The following DOK6 variants were observed in gnomAD, a reference collection of about 807,000 sequenced individuals.
DOK6 encodes the protein downstream of tyrosine kinase 6.
DOK6 carries 22 observed loss-of-function variants against 44.0 expected under a neutral mutation model. That is an observed-to-expected ratio of 0.50 (90% CI 0.36 to 0.71). DOK6 has a LOEUF of 0.71. Ranked by LOEUF, DOK6 falls within the 30% of genes least tolerant of loss-of-function variation. The pLI is 0.00. For missense variants in DOK6, 340 were observed against 416.4 expected, an observed-to-expected ratio of 0.82 and a Z score of 1.60; for synonymous variants, 166 against 145.5, an observed-to-expected ratio of 1.14 and a Z score of -1.01.
chr18:69,819,838 G>C (rs1190905425), intron 7 of DOK6, among the ~76,000 whole-genome samples: 1 of 152,120 alleles, frequency 6.6e-6, no homozygotes, highest in African/African-American at 2.4e-5. Flanking sequence ...TAGCACAGGG[G>C]TGTCCAATGT....
At chr18:69,827,536 G>A (rs1981776368) in intron 7 of DOK6, among the ~76,000 whole-genome samples, 1 of 151,940 alleles carries the variant, frequency 6.6e-6, no homozygotes, top group Non-Finnish European at 1.5e-5. Flanking sequence ...CAAACTTCTA[G>A]AAAGTAAGAT....
chr18:69,658,386 C>G (rs1376578876), intron 3 of DOK6, among the ~76,000 whole-genome samples: 1 of 152,158 alleles, frequency 6.6e-6, no homozygotes, highest in Non-Finnish European at 1.5e-5. Flanking sequence ...TTGGGAGTCA[C>G]ACATGAGTTA....
intron 3 of DOK6, among the ~76,000 whole-genome samples, chr18:69,627,682 C>A (rs1054381217): frequency 2.0e-5 from 3 of 152,114 alleles, no homozygotes; most frequent in African/African-American, 7.2e-5. Context: ...ATCTCCTGAC[C>A]TTGTGATCCG....
At position 69,721,639 on chromosome 18, in the gene DOK6, G is replaced by A. The variant is rs182900369; in HGVS notation, c.600-17326G>A. Reference sequence around the variant, plus strand: ...GTGTCTTGACACTAGTCATCCATCAGAAAATGCTAATTATATTAGTTCTTT... The same window carrying A: ...GTGTCTTGACACTAGTCATCCATCAAAAAATGCTAATTATATTAGTTCTTT... On this transcript the variant is annotated intron_variant, in intron 5 of 7. Transcript: ENST00000382713. Among the ~76,000 whole-genome samples, 555 of 152,316 alleles carry A rather than the reference G, an allele frequency of 3.6e-3. 6 individuals carry two copies. Among genetic ancestry groups the A allele is most frequent in the African/African-American group, 0.013 (538 of 41,576 alleles).
chr18:69,742,434 A>G (rs2144740707), intron 6 of DOK6, among the ~76,000 whole-genome samples: 2 of 151,446 alleles, frequency 1.3e-5, no homozygotes, highest in East Asian at 3.9e-4. Context: ...AAAAAGAAAA[A>G]GAAAAAGAAA....
chr18:69,610,612 G>T (rs920574961), intron 3 of DOK6, among the ~76,000 whole-genome samples: 2 of 152,038 alleles, frequency 1.3e-5, no homozygotes, highest in Admixed American at 6.5e-5. Flanking sequence ...AATGAACACA[G>T]TCCGCCCTCC....
At chr18:69,539,754 G>A (rs1020056761) in intron 1 of DOK6, among the ~76,000 whole-genome samples, 1 of 152,158 alleles carries the variant, frequency 6.6e-6, no homozygotes, top group African/African-American at 2.4e-5. Flanking sequence ...TGTTATGGAT[G>A]CAGATGTATC....
At chr18:69,657,577 G>C (rs954941165) in intron 3 of DOK6, among the ~76,000 whole-genome samples, 3 of 152,158 alleles carry the variant, frequency 2.0e-5, no homozygotes, top group African/African-American at 7.2e-5. Context: ...ACAGGCGAAA[G>C]CTACCAAAGA....
At position 69,583,090 on chromosome 18, in the gene DOK6, C is replaced by A. The variant is rs560580395; in HGVS notation, c.175-16294C>A. Among the ~76,000 whole-genome samples the A allele has an allele frequency of 9.8e-5, 15 of 152,314 alleles. 1 individual carries two copies. In the South Asian group the frequency reaches 2.9e-3, roughly 29 times the overall value. ...AATACATATAAGGAATGAAATAATT[C>A]TGTTAAATATATGTAGATAACTTAC... On this transcript the variant is annotated intron_variant, in intron 2 of 7. Transcript: ENST00000382713.
intron 1 of DOK6, among the ~76,000 whole-genome samples, chr18:69,404,618 AT>A (rs1013697528): frequency 5.9e-5 from 9 of 151,868 alleles, no homozygotes; most frequent in African/African-American, 1.5e-4. Context: ...ACCTCACATC[AT>A]TTTTTTTCAA....
At chr18:69,631,296 T>G (rs1006497175) in intron 3 of DOK6, among the ~76,000 whole-genome samples, 8 of 152,182 alleles carry the variant, frequency 5.3e-5, no homozygotes, top group Non-Finnish European at 1.0e-4. Context: ...TGATAATATA[T>G]AAGCCCAGTG....
intron 7 of DOK6, among the ~76,000 whole-genome samples, chr18:69,824,182 C>T (rs907469279): frequency 1.6e-4 from 9 of 56,668 alleles, no homozygotes; most frequent in Non-Finnish European, 3.1e-4. Context: ...TCTCCTAATG[C>T]TATCCCTCCC....
At chr18:69,618,373 A>C (rs1318294671) in intron 3 of DOK6, among the ~76,000 whole-genome samples, 1 of 152,238 alleles carries the variant, frequency 6.6e-6, no homozygotes, top group Non-Finnish European at 1.5e-5. Context: ...CAAACAAGAA[A>C]TGATGAAATT....
chr18:69,719,772 G>T (rs867698137), intron 5 of DOK6, among the ~76,000 whole-genome samples: 1 of 152,170 alleles, frequency 6.6e-6, no homozygotes, highest in South Asian at 2.1e-4. Flanking sequence ...GTTATCTTAT[G>T]AGGTTAGAAG....
At chr18:69,443,440 C>T (rs1012196367) in intron 1 of DOK6, among the ~76,000 whole-genome samples, 28 of 152,140 alleles carry the variant, frequency 1.8e-4, no homozygotes, top group African/African-American at 6.5e-4. Flanking sequence ...GTTTTCTGTT[C>T]TGCAAAGTGC....
At chr18:69,533,511 A>C (rs1180241720) in intron 1 of DOK6, among the ~76,000 whole-genome samples, 2 of 152,140 alleles carry the variant, frequency 1.3e-5, no homozygotes, top group South Asian at 4.1e-4. Context: ...TGCAAATATA[A>C]GTATTAATCT....
chr18:69,774,133 G>GATATATATATATATATATATGAGATAT (rs1979982677), intron 7 of DOK6, among the ~76,000 whole-genome samples: 1 of 66,866 alleles, frequency 1.5e-5, no homozygotes, highest in Non-Finnish European at 3.3e-5. Flanking sequence ...ATATATATGA[G>GATATATATATATATATATATGAGATAT]ATATATATAT....
intron 1 of DOK6, among the ~76,000 whole-genome samples, chr18:69,442,213 T>C (rs950253873): frequency 1.3e-5 from 2 of 152,218 alleles, no homozygotes; most frequent in African/African-American, 4.8e-5. Flanking sequence ...TTTGAAAGCA[T>C]ATTTTATGTT....
intron 2 of DOK6, among the ~76,000 whole-genome samples, chr18:69,589,988 C>G (rs1167331398): frequency 6.6e-6 from 1 of 151,974 alleles, no homozygotes; most frequent in Non-Finnish European, 1.5e-5. Context: ...ATTTATAACT[C>G]CTAAAATATC....
Sources: gnomAD v4.1 joint callset for allele counts (sites outside exome capture counted in the v4.1 genomes callset) on GRCh38, gnomAD v4.1.1 for gene constraint, MANE v1.5 for transcripts, NCBI Gene and HGNC (gene_info 2026-07-23, HGNC 2026-07-21) for gene names.